The following HYDIN variants were observed in gnomAD, a reference collection of about 807,000 sequenced individuals.
The protein encoded by HYDIN is HYDIN axonemal central pair apparatus protein.
A neutral mutation model predicts 403.9 loss-of-function variants in HYDIN; 132 were observed. The ratio of observed to expected loss-of-function variants is 0.33; its 90% CI spans 0.28 to 0.38. HYDIN has a LOEUF of 0.38. Ranked by LOEUF, HYDIN falls within the 10% of genes least tolerant of loss-of-function variation. The probability of loss-of-function intolerance (pLI) is 1.00; values close to 1 mark genes in which losing one functional copy is unlikely to be tolerated. For synonymous variants in HYDIN, 1,202 were observed against 1,891.7 expected (o/e 0.64, Z 9.46); for missense variants, 2,827 against 5,009.5 (o/e 0.56, Z 13.15).
intron 39 of HYDIN, among the ~76,000 whole-genome samples, chr16:70,956,426 G>C (rs185929895): frequency 1.3e-5 from 2 of 152,216 alleles, no homozygotes; most frequent in Non-Finnish European, 2.9e-5. Flanking sequence ...CTGAATAATG[G>C]CTCCTCCAAA....
At chr16:70,919,266 G>A (rs2076927528) in intron 46 of HYDIN, among the ~76,000 whole-genome samples, 1 of 152,234 alleles carries the variant, frequency 6.6e-6, no homozygotes, top group African/African-American at 2.4e-5. Flanking sequence ...GATTTGGAAG[G>A]TGGAGAGTAC....
chr16:70,819,074 C>T (rs560627673), intron 83 of HYDIN, among the ~76,000 whole-genome samples: 69 of 150,254 alleles, frequency 4.6e-4, no homozygotes, highest in African/African-American at 1.6e-3. Context: ...GCCACCATGC[C>T]TGGCTAATTT....
At chr16:70,898,656 G>A (rs1271250833) in intron 53 of HYDIN, among the ~76,000 whole-genome samples, 2 of 152,122 alleles carry the variant, frequency 1.3e-5, no homozygotes, top group African/African-American at 4.8e-5. Flanking sequence ...AGAACAGGCT[G>A]CTTTAAGCGG....
chr16:71,230,364 C>G (rs559255329), intron 1 of HYDIN, among the ~76,000 whole-genome samples, 198 bp downstream of exon 1: 2 of 152,102 alleles, frequency 1.3e-5, no homozygotes, highest in Non-Finnish European at 2.9e-5. Context: ...CAGGGGAATC[C>G]CAAGAACAAA....
At chr16:70,960,643 T>G (rs1360537077) in intron 38 of HYDIN, among the ~76,000 whole-genome samples, 1 of 152,062 alleles carries the variant, frequency 6.6e-6, no homozygotes, top group African/African-American at 2.4e-5. Flanking sequence ...TTTCACATAA[T>G]ATATCTTGGA....
At chr16:71,132,033 C>T (rs988042029) in intron 8 of HYDIN, 1 of 143,300 alleles carries the variant, frequency 7.0e-6, no homozygotes, top group Non-Finnish European at 1.5e-5. Context: ...AAAATACATA[C>T]TTATTAGGGA....
At chr16:71,064,546 T>C (rs997489852) in intron 16 of HYDIN, among the ~76,000 whole-genome samples, 159 bp downstream of exon 16, 3 of 152,092 alleles carry the variant, frequency 2.0e-5, no homozygotes, top group Admixed American at 2.0e-4. Flanking sequence ...AATCCAACTG[T>C]GACTTTATAA....
At chr16:70,864,138 T>C (rs1444804937) in intron 67 of HYDIN, among the ~76,000 whole-genome samples, 7 of 151,758 alleles carry the variant, frequency 4.6e-5, no homozygotes, top group African/African-American at 1.4e-4. Flanking sequence ...CGAGACCAGC[T>C]TGGCCAACAT....
At chr16:70,951,539 C>T (rs888708774) in intron 41 of HYDIN, among the ~76,000 whole-genome samples, 26 of 151,914 alleles carry the variant, frequency 1.7e-4, no homozygotes, top group Non-Finnish European at 3.5e-4. Flanking sequence ...CCATTCTCCA[C>T]TTGGCTTCTC....
intron 17 of HYDIN, among the ~76,000 whole-genome samples, chr16:71,061,463 C>G (rs2144271296): frequency 6.6e-6 from 1 of 152,398 alleles, no homozygotes; most frequent in Non-Finnish European, 1.5e-5. Context: ...GAATACAGAG[C>G]CTGTTGGGCA....
At chr16:71,054,108 T>TA (rs1370111355) in intron 18 of HYDIN, among the ~76,000 whole-genome samples, 3 of 152,392 alleles carry the variant, frequency 2.0e-5, no homozygotes, top group South Asian at 4.1e-4. Context: ...CAGCACGTGC[T>TA]AGGCATGAAT....
intron 67 of HYDIN, chr16:70,865,458 C>T (rs961841026): frequency 6.1e-5 from 24 of 393,822 alleles, no homozygotes; most frequent in Non-Finnish European, 9.6e-5. Context: ...ATCCTTGAGT[C>T]CCTGTGTCTG....
chr16:70,829,695 C>T lies in HYDIN; in HGVS notation c.14035G>A (p.Glu4679Lys), dbSNP rs1401595355. 6.2e-7 allele frequency: 1 copy of T among 1,613,820 alleles called. No homozygotes were observed. Among genetic ancestry groups the T allele is most frequent in the Non-Finnish European group, 8.5e-7 (1 of 1,179,820 alleles). The change falls in exon 81 of 86, where the codon GAG becomes AAG. Residue 4679 changes from glutamate (E) to lysine (K), a missense_variant. Coordinates refer to ENST00000393567, the MANE Select transcript of HYDIN (RefSeq NM_001270974.2). ...HWEGPEFITLEAHQQNKPYEI... is the reference protein window; with the variant it reads ...HWEGPEFITLKAHQQNKPYEI... ...TAGGGCTTGTTTTGCTGGTGGGCCT[C>T]CAGGGTGATGAACTCAGGCCCCTCC...
chr16:71,075,171 G>C (rs113734599), intron 13 of HYDIN, among the ~76,000 whole-genome samples: 4,545 of 151,868 alleles, frequency 0.03, 210 homozygotes, highest in African/African-American at 0.1. Flanking sequence ...GGGAAATCTT[G>C]GGGGTCATGG....
intron 10 of HYDIN, chr16:71,113,926 C>G (rs2083922607): frequency 6.6e-6 from 1 of 151,550 alleles, no homozygotes; most frequent in African/African-American, 2.4e-5. Context: ...AGATTACAGG[C>G]TGGTCATTTT....
intron 23 of HYDIN, among the ~76,000 whole-genome samples, chr16:71,007,177 C>T (rs2079915487): frequency 6.6e-6 from 1 of 151,940 alleles, no homozygotes; most frequent in African/African-American, 2.4e-5. Flanking sequence ...TAAACAGCTG[C>T]CATGTAAATC....
Position 71,230,551 on chromosome 16 carries a change from G to C in HYDIN, c.-24+11C>G, listed in dbSNP as rs1259002853. On this transcript the variant is annotated intron_variant, in intron 1 of 85. Transcript: ENST00000393567. ...CACTTTGACCCCACAATCTCTGCGAGGACCTCTGACCTTGGTGCACTCCGG... is the reference window on the plus strand; with the variant it reads ...CACTTTGACCCCACAATCTCTGCGACGACCTCTGACCTTGGTGCACTCCGG... 5.2e-6 allele frequency: 8 copies of C among 1,528,940 alleles called. No individual in the cohort carries two copies. The highest frequency in any genetic ancestry group is 1.7e-4 in the Middle Eastern group (1 of 5,978). The allele number at this position is 1,528,940 out of a possible 1,614,324, so 94.7% of individuals were successfully genotyped here. A position where few individuals can be genotyped will look rare whatever the true frequency, so the allele number is the denominator to read the frequency against.
chr16:71,062,031 A>G (rs2082105870), intron 17 of HYDIN, 138 bp downstream of exon 17: 2 of 660,808 alleles, frequency 3.0e-6, no homozygotes, highest in Admixed American at 2.9e-5. Context: ...TTACCATTGC[A>G]GAGTAAAAAC....
At chr16:71,199,088 C>T (rs766633640) in intron 1 of HYDIN, among the ~76,000 whole-genome samples, 3 of 152,234 alleles carry the variant, frequency 2.0e-5, no homozygotes, top group Admixed American at 6.5e-5. Flanking sequence ...AATGAGACGG[C>T]GTATCTTTTC....
Sources: gnomAD v4.1 joint callset for allele counts (sites outside exome capture counted in the v4.1 genomes callset) on GRCh38, gnomAD v4.1.1 for gene constraint, MANE v1.5 for transcripts, NCBI Gene and HGNC (gene_info 2026-07-23, HGNC 2026-07-21) for gene names.